ITGA11: variants seen among roughly 807,000 people sequenced by gnomAD.
ITGA11 encodes integrin subunit alpha 11.
ITGA11 carries 97 observed loss-of-function variants against 141.9 expected under a neutral mutation model. That is an observed-to-expected ratio of 0.68 (90% CI 0.58 to 0.81). The LOEUF (loss-of-function observed/expected upper bound fraction) is 0.81, where lower values mean the gene tolerates loss of function less well. ITGA11 is among the 30% of genes least tolerant of loss of function. The pLI, the probability that ITGA11 is intolerant of heterozygous loss-of-function variation, is 0.00. For missense variants in ITGA11, 1,387 were observed against 1,559.2 expected (o/e 0.89, Z 1.86); for synonymous variants, 658 against 624.6 (o/e 1.05, Z -0.80).
intron 7 of ITGA11, among the ~76,000 whole-genome samples, chr15:68,356,293 G>A (rs571032823): frequency 2.0e-5 from 3 of 151,148 alleles, no homozygotes; most frequent in African/African-American, 4.9e-5. Flanking sequence ...TAGTAGAGAC[G>A]GGGTTTCACC....
intron 7 of ITGA11, among the ~76,000 whole-genome samples, chr15:68,355,446 TC>T (rs1229871937): frequency 1.1e-4 from 17 of 151,762 alleles, no homozygotes; most frequent in African/African-American, 3.9e-4. Flanking sequence ...GTTCTTTTTT[TC>T]TTTTTTTCTT....
intron 1 of ITGA11, among the ~76,000 whole-genome samples, chr15:68,411,663 C>T (rs1595896525): frequency 6.6e-6 from 1 of 152,204 alleles, no homozygotes; most frequent in African/African-American, 2.4e-5. Flanking sequence ...CAGCTTGCAT[C>T]ATCAGTCTCA....
At chr15:68,386,766 T>C (rs1363410869) in intron 2 of ITGA11, among the ~76,000 whole-genome samples, 2 of 152,152 alleles carry the variant, frequency 1.3e-5, no homozygotes, top group Non-Finnish European at 2.9e-5. Context: ...CACACTCTCC[T>C]TGCCCAGCCT....
chr15:68,316,598 G>A (rs1893585885), intron 21 of ITGA11, among the ~76,000 whole-genome samples: 1 of 152,184 alleles, frequency 6.6e-6, no homozygotes, highest in Non-Finnish European at 1.5e-5. Context: ...TTGCTAAGGA[G>A]CCCTCATCCC....
chr15:68,330,886 C>T lies in ITGA11; in HGVS notation c.1901+95G>A, dbSNP rs529639893. On this transcript the variant is annotated intron_variant, in intron 15 of 29. Transcript: ENST00000315757. ...GGGTCTAGCTGAGGGCAGTTAAAGA[C>T]AAGAGACAAAGATCCTGAAGCCTAT... 7 of 1,471,188 alleles carry T rather than the reference C, an allele frequency of 4.8e-6. No homozygotes were observed. In the East Asian group the frequency reaches 9.3e-5, roughly 20 times the overall value. 91.1% of individuals were successfully genotyped at this position (1,471,188 alleles called of 1,614,324 possible).
chr15:68,318,946 G>A (rs1297706627), intron 20 of ITGA11, among the ~76,000 whole-genome samples: 1 of 152,208 alleles, frequency 6.6e-6, no homozygotes, highest in Non-Finnish European at 1.5e-5. Flanking sequence ...CCTTCTATGT[G>A]CCCAGCTCTG....
intron 1 of ITGA11, among the ~76,000 whole-genome samples, chr15:68,419,934 T>C (rs1398916537): frequency 6.6e-6 from 1 of 152,180 alleles, no homozygotes; most frequent in Admixed American, 6.5e-5. Flanking sequence ...TCGAGACCAG[T>C]GTTGAAACCT....
intron 1 of ITGA11, among the ~76,000 whole-genome samples, chr15:68,420,274 A>G (rs573262510): frequency 6.6e-6 from 1 of 152,188 alleles, no homozygotes; most frequent in Non-Finnish European, 1.5e-5. Context: ...GTCCCATTAT[A>G]TAACTAGGTT....
At position 68,303,027 on chromosome 15, in the gene ITGA11, GCCC is replaced by G. The variant is rs1040194277; in HGVS notation, c.*29_*31del. ...CAACACTACCTGGACTGGTGTCCTG[GCCC>G]CCATCAACTCAAAGTCTCCTCTGGA... On this transcript the variant is annotated 3_prime_UTR_variant, in exon 30 of 30. Coordinates refer to ENST00000315757, the MANE Select transcript of ITGA11 (RefSeq NM_001004439.2). The surrounding 1 kb of genome is among the most constrained non-coding windows in gnomAD (Gnocchi z 5.3). The G allele has an allele frequency of 6.6e-7, 1 of 1,519,650 alleles. No individual in the cohort carries two copies. Among genetic ancestry groups the G allele is most frequent in the African/African-American group, 1.4e-5 (1 of 72,084 alleles). 94.1% of individuals were successfully genotyped at this position (1,519,650 alleles called of 1,614,324 possible). A position where few individuals can be genotyped will look rare whatever the true frequency, so the allele number is the denominator to read the frequency against.
intron 5 of ITGA11, 130 bp from the exon 6 acceptor site, chr15:68,358,715 T>C: frequency 9.7e-7 from 1 of 1,025,816 alleles, no homozygotes; most frequent in Non-Finnish European, 1.4e-6. Flanking sequence ...GCTGGGAAAC[T>C]GTCCTTGGGT....
At chr15:68,415,298 C>T (rs11858671) in intron 1 of ITGA11, among the ~76,000 whole-genome samples, 5 of 151,834 alleles carry the variant, frequency 3.3e-5, no homozygotes, top group African/African-American at 4.8e-5. Context: ...CTGGAGAAGA[C>T]GGGGAGGAAT....
At chr15:68,410,915 A>T (rs1404108748) in intron 1 of ITGA11, among the ~76,000 whole-genome samples, 1 of 152,194 alleles carries the variant, frequency 6.6e-6, no homozygotes, top group Non-Finnish European at 1.5e-5. Context: ...AAGCAGGGAT[A>T]CTGCCCTTGG....
In ITGA11 at chr15:68,307,853, G is replaced by A. The variant is rs1224874536; in HGVS notation, c.3175-157C>T. Among the ~76,000 whole-genome samples, 2 of 152,152 alleles carry A rather than the reference G, an allele frequency of 1.3e-5. No individual in the cohort carries two copies. The highest frequency in any genetic ancestry group is 1.3e-4 in the Admixed American group (2 of 15,276). On this transcript the variant is annotated intron_variant, in intron 26 of 29. Transcript: ENST00000315757. This position sits in a 1 kb window ranked among gnomAD's most constrained non-coding sequence, Gnocchi z 6.1. ...AGTGGGGGACATGTGCATTGCGTCTGCCAGGGGATGACTGAAGGACAAATG... is the reference window on the plus strand; with the variant it reads ...AGTGGGGGACATGTGCATTGCGTCTACCAGGGGATGACTGAAGGACAAATG...
chr15:68,381,875 G>C (rs1895870393), intron 2 of ITGA11, among the ~76,000 whole-genome samples: 1 of 152,084 alleles, frequency 6.6e-6, no homozygotes, highest in African/African-American at 2.4e-5. Context: ...TTTTGAAGCT[G>C]AGGAAACTAC....
At chr15:68,404,974 C>A (rs969251538) in intron 1 of ITGA11, among the ~76,000 whole-genome samples, 3 of 152,196 alleles carry the variant, frequency 2.0e-5, no homozygotes, top group Non-Finnish European at 2.9e-5. Context: ...GGTTAGCTGA[C>A]CTTCCCAAGG....
chr15:68,321,475 T>G lies in ITGA11; in HGVS notation c.2351A>C (p.Asp784Ala), dbSNP rs777306144. 3.8e-6 allele frequency: 6 copies of G among 1,595,530 alleles called. No homozygotes were observed. In the Admixed American group the frequency reaches 1.0e-4, roughly 28 times the overall value. The change falls in exon 19 of 30, where the codon GAT becomes GCT. Residue 784 changes from aspartate (D) to alanine (A), a missense_variant. Physicochemically the swap from Asp to Ala is moderately radical, Grantham distance 126. Coordinates refer to ENST00000315757, the MANE Select transcript of ITGA11 (RefSeq NM_001004439.2). The surrounding 1 kb of genome is among the most constrained non-coding windows in gnomAD (Gnocchi z 4.9). ...SVPFWNGCNE[D>A]EHCVPDLVLD... Reference sequence around the variant, plus strand: ...CACAAGGTCAGGGACACAGTGCTCATCCTCATTGCAGCCGTTCCAGAAGGG... The same window carrying G: ...CACAAGGTCAGGGACACAGTGCTCAGCCTCATTGCAGCCGTTCCAGAAGGG...
chr15:68,323,009 A>G (rs1177033199), intron 18 of ITGA11, among the ~76,000 whole-genome samples: 2 of 152,238 alleles, frequency 1.3e-5, no homozygotes, highest in African/African-American at 2.4e-5. Context: ...GTCACTACCG[A>G]CAACACAGCC....
chr15:68,364,610 T>A, intron 4 of ITGA11, 97 bp downstream of exon 4: 1 of 950,232 alleles, frequency 1.1e-6, no homozygotes, highest in Non-Finnish European at 1.7e-6. Context: ...AGAGTGGGTG[T>A]ACAGGATGGA....
rs1893266547 is a variant in ITGA11 at position 68,308,348 on chromosome 15, T to C, written c.3175-652A>G. Among the ~76,000 whole-genome samples, 1 of 152,166 alleles carries C rather than the reference T, an allele frequency of 6.6e-6. No individual in the cohort carries two copies. The highest frequency in any genetic ancestry group is 2.4e-5 in the African/African-American group (1 of 41,418). ...ACAAACATCAAATTTATGGTGAAAC[T>C]TGAGTGAAAGAACAGTGAAATCACT... On this transcript the variant is annotated intron_variant, in intron 26 of 29. Coordinates refer to ENST00000315757, the MANE Select transcript of ITGA11 (RefSeq NM_001004439.2). This position sits in a 1 kb window ranked among gnomAD's most constrained non-coding sequence, Gnocchi z 5.2.
Sources: allele counts gnomAD v4.1 joint callset (sites outside exome capture counted in the v4.1 genomes callset), GRCh38; gene constraint gnomAD v4.1.1; non-coding constraint Gnocchi (gnomAD v3.1); transcripts MANE v1.5; gene names NCBI Gene and HGNC (gene_info 2026-07-23, HGNC 2026-07-21).